The following DHRS4L2 variants were observed in gnomAD, a reference collection of about 807,000 sequenced individuals.
DHRS4L2 encodes the protein dehydrogenase/reductase SDR family member 4-like 2.
A neutral mutation model predicts 23.9 loss-of-function variants in DHRS4L2; 22 were observed. That is an observed-to-expected ratio of 0.92 (90% confidence interval 0.66 to 1.31). DHRS4L2 has a LOEUF of 1.31. DHRS4L2 is among the 40% of genes most tolerant of loss of function. DHRS4L2 has a pLI of 0.00. For synonymous variants in DHRS4L2, 141 were observed against 123.7 expected, an observed-to-expected ratio of 1.14 and a Z score of -0.93; for missense variants, 385 against 303.3, an observed-to-expected ratio of 1.27 and a Z score of -2.00.
At chr14:23,998,216 T>C (rs1240715960) in intron 3 of DHRS4L2, among the ~76,000 whole-genome samples, 1 of 152,054 alleles carries the variant, frequency 6.6e-6, no homozygotes, top group Non-Finnish European at 1.5e-5. Context: ...TGTGCTGTTA[T>C]TCAGGCTTTG....
chr14:23,995,959 A>C (rs569158500), intron 3 of DHRS4L2, among the ~76,000 whole-genome samples: 1 of 151,970 alleles, frequency 6.6e-6, no homozygotes, highest in Non-Finnish European at 1.5e-5. Flanking sequence ...GTTTTGGCTT[A>C]CGATACTGCA....
chr14:24,004,162 C>A (rs111598628), intron 6 of DHRS4L2, among the ~76,000 whole-genome samples, 175 bp from the exon 7 acceptor site: 4 of 144,194 alleles, frequency 2.8e-5, no homozygotes, highest in South Asian at 2.2e-4. Context: ...CCCAGCTACT[C>A]GGGAGGCTGA....
chr14:23,982,693 A>G (rs1260175925), intron 1 of DHRS4L2, among the ~76,000 whole-genome samples: 3 of 151,196 alleles, frequency 2.0e-5, no homozygotes. Context: ...GACAAAAACA[A>G]GCAATGGGGA....
intron 3 of DHRS4L2, among the ~76,000 whole-genome samples, chr14:23,999,344 TAAAAAAAAAAAAAAAA>T (rs71426825): frequency 1.9e-5 from 1 of 53,678 alleles, no homozygotes; most frequent in Non-Finnish European, 4.7e-5. Context: ...CTCCAATTTG[TAAAAAAAAAAAAAAAA>T]AAAAAAAAAA....
chr14:24,004,194 G>A (rs1469679831), intron 6 of DHRS4L2, 143 bp from the exon 7 acceptor site: 63 of 923,980 alleles, frequency 6.8e-5, no homozygotes, highest in Middle Eastern at 3.1e-4. Flanking sequence ...GGCATAACCC[G>A]GGAGGCGGAG....
chr14:23,972,482 A>G (rs1318481022), intron 1 of DHRS4L2, among the ~76,000 whole-genome samples: 1 of 151,924 alleles, frequency 6.6e-6, no homozygotes, highest in Non-Finnish European at 1.5e-5. Context: ...TGTGGACCCA[A>G]AGAGTGAGCA....
At chr14:23,998,969 A>G (rs2034433639) in intron 3 of DHRS4L2, among the ~76,000 whole-genome samples, 1 of 148,522 alleles carries the variant, frequency 6.7e-6, no homozygotes, top group African/African-American at 2.5e-5. Context: ...AAGATGTGTG[A>G]CTCTTCCTTT....
Position 23,990,361 on chromosome 14 carries a change from T to A in DHRS4L2, c.306+2T>A, listed in dbSNP as rs760690570. On this transcript the variant is annotated splice_donor_variant, in intron 2 of 7. Transcript: ENST00000335125. LOFTEE classifies it high-confidence loss of function. Reference sequence around the variant, plus strand: ...GACCGGGAGCGGCTGGTGGCCATGGTGAGCTGCAGGGAAATGGGCACAGAG... The same window carrying A: ...GACCGGGAGCGGCTGGTGGCCATGGAGAGCTGCAGGGAAATGGGCACAGAG... 6.2e-7 allele frequency: 1 copy of A among 1,608,736 alleles called. No individual in the cohort carries two copies. The highest frequency in any genetic ancestry group is 1.1e-5 in the South Asian group (1 of 90,482).
chr14:23,989,174 A>G lies in DHRS4L2; in HGVS notation c.128+99A>G, dbSNP rs558763223. The G allele has an allele frequency of 2.8e-3, 4,155 of 1,505,646 alleles. 72 individuals carry two copies. Among genetic ancestry groups the G allele is most frequent in the Non-Finnish European group, 3.5e-3 (3,877 of 1,123,134 alleles). 93.3% of individuals were successfully genotyped at this position (1,505,646 alleles called of 1,614,324 possible). On this transcript the variant is annotated intron_variant, in intron 1 of 7. Transcript: ENST00000335125. ...CAGTGCCCCTGTCCTCAGACCTCAC[A>G]TACCGCCAAAGTCTGGCCATGGAAA... is the stretch of plus-strand genomic sequence containing the variant.
chr14:23,990,137 T>A (rs1422457772), intron 1 of DHRS4L2, 45 bp from the exon 2 acceptor site: 1 of 1,602,560 alleles, frequency 6.2e-7, no homozygotes, highest in Middle Eastern at 1.7e-4. Context: ...GTCGACCTCT[T>A]CCCCTGCACA....
chr14:23,971,855 G>C (rs7146552), intron 1 of DHRS4L2, among the ~76,000 whole-genome samples: 50,982 of 151,698 alleles, frequency 0.34, 10,551 homozygotes, highest in East Asian at 0.62. Flanking sequence ...AAGGAACAAC[G>C]GGTACCAGCC....
chr14:23,976,608 C>A (rs549441321), intron 1 of DHRS4L2, among the ~76,000 whole-genome samples: 11 of 151,854 alleles, frequency 7.2e-5, no homozygotes, highest in African/African-American at 2.7e-4. Flanking sequence ...TACTGGATAT[C>A]TACCCAAAGG....
At chr14:23,987,229 C>T (rs1182367619), upstream of DHRS4L2, 1 of 358,102 alleles carries the variant, frequency 2.8e-6, no homozygotes, top group Non-Finnish European at 5.6e-6. Context: ...ATCCCGTGTT[C>T]ATGCCATTCC....
chr14:23,972,809 A>T (rs201688157), intron 1 of DHRS4L2, among the ~76,000 whole-genome samples: 8 of 152,008 alleles, frequency 5.3e-5, no homozygotes, highest in East Asian at 1.9e-4. Context: ...GCAGGGTGAT[A>T]ATAAGGAGAA....
upstream of DHRS4L2, among the ~76,000 whole-genome samples, chr14:23,986,381 A>G (rs1233263078): frequency 6.6e-6 from 1 of 151,294 alleles, no homozygotes; most frequent in Non-Finnish European, 1.5e-5. Flanking sequence ...TGGGGAAGGG[A>G]TAGCATTAGG....
At chr14:23,987,039 A>G (rs1332086636), upstream of DHRS4L2, among the ~76,000 whole-genome samples, 3 of 151,652 alleles carry the variant, frequency 2.0e-5, no homozygotes, top group Non-Finnish European at 2.9e-5. Flanking sequence ...CTGCAGCTGT[A>G]ACTTCTTGGC....
chr14:23,985,457 GACTCA>G (rs2034123150), upstream of DHRS4L2, among the ~76,000 whole-genome samples: 1 of 151,540 alleles, frequency 6.6e-6, no homozygotes, highest in African/African-American at 2.4e-5. Context: ...AGTGATGCAT[GACTCA>G]ACAGTGAATC....
In DHRS4L2 at chr14:24,005,819, G is replaced by C. The variant is rs1456881094; in HGVS notation, c.*23-67G>C. 3.1e-6 allele frequency: 5 copies of C among 1,589,484 alleles called. No homozygotes were observed. The Admixed American group carries it at 8.9e-5, about 28-fold the overall frequency. On this transcript the variant is annotated intron_variant, in intron 7 of 7. Coordinates refer to ENST00000335125, the MANE Select transcript of DHRS4L2 (RefSeq NM_198083.4). The stretch of plus-strand genomic sequence containing the variant: ...CTTGATTAAGCAAATTTAACTCCCC[G>C]TGTCCCAGGTGAGGGAGGCAGACCC...
chr14:23,980,944 G>A (rs1312737319), intron 1 of DHRS4L2, among the ~76,000 whole-genome samples: 1 of 151,680 alleles, frequency 6.6e-6, no homozygotes. Context: ...ACTATTGGAA[G>A]TTTTCTAGCC....
Sources: gnomAD v4.1 joint callset for allele counts (sites outside exome capture counted in the v4.1 genomes callset) on GRCh38, gnomAD v4.1.1 for gene constraint, MANE v1.5 for transcripts, NCBI Gene and HGNC (gene_info 2026-07-23, HGNC 2026-07-21) for gene names.